Variants in DYNC2LI1 observed in about 807,000 individuals in gnomAD.
DYNC2LI1 encodes cytoplasmic dynein 2 light intermediate chain 1.
Under a neutral mutation model 51.9 loss-of-function variants are expected in DYNC2LI1, and 45 were observed. The ratio of observed to expected loss-of-function variants is 0.87; its 90% CI spans 0.68 to 1.11. The LOEUF is 1.11. Among genes scored for constraint, DYNC2LI1 ranks in the 50% most tolerant of loss-of-function variants. The probability of loss-of-function intolerance (pLI) is 0.00; values close to 1 mark genes in which losing one functional copy is unlikely to be tolerated. For missense variants in DYNC2LI1, 490 were observed against 417.4 expected, an observed-to-expected ratio of 1.17 and a Z score of -1.51; for synonymous variants, 130 against 137.8, an observed-to-expected ratio of 0.94 and a Z score of 0.40.
downstream of DYNC2LI1, among the ~76,000 whole-genome samples, chr2:43,813,875 C>T (rs935444727): frequency 1.3e-4 from 19 of 151,664 alleles, 1 homozygote; most frequent in African/African-American, 2.9e-4. Flanking sequence ...CGCACCACCA[C>T]GCCTGGCTAA....
intron 7 of DYNC2LI1, 87 bp downstream of exon 7, chr2:43,796,045 GA>G (rs1055493283): frequency 4.2e-6 from 4 of 942,170 alleles, no homozygotes; most frequent in African/African-American, 3.4e-5. Flanking sequence ...ATCAAAATAA[GA>G]AAAATAATTA....
At chr2:43,810,536 T>G, downstream of DYNC2LI1, 3 of 983,182 alleles carry the variant, frequency 3.1e-6, no homozygotes, top group Non-Finnish European at 3.6e-6. Flanking sequence ...TAAGTATAAT[T>G]GCTATGATTA....
chr2:43,802,153 T>C (rs1666096838), intron 10 of DYNC2LI1, among the ~76,000 whole-genome samples: 1 of 152,144 alleles, frequency 6.6e-6, no homozygotes, highest in Non-Finnish European at 1.5e-5. Context: ...AGGTATGATT[T>C]GATTTTTTGT....
At chr2:43,782,954 C>T (rs1673360524) in intron 2 of DYNC2LI1, among the ~76,000 whole-genome samples, 1 of 151,948 alleles carries the variant, frequency 6.6e-6, no homozygotes. Flanking sequence ...TGCACTCCAG[C>T]CTTGGCAACA....
At chr2:43,806,108 T>C (rs1666245730) in intron 12 of DYNC2LI1, among the ~76,000 whole-genome samples, 1 of 152,180 alleles carries the variant, frequency 6.6e-6, no homozygotes, top group African/African-American at 2.4e-5. Context: ...GGTCTTGAAC[T>C]CCTGACCTCG....
rs1673949767 is a variant in DYNC2LI1 at position 43,794,609 on chromosome 2, A to G, written c.473A>G (p.Gln158Arg). ...GCTAAAGCAGTTTCTGAAATGAGAC[A>G]GAAGATCTGGAATAATATGCCGAAG... The part of the protein sequence containing the change: ...TNAKAVSEMR[Q>R]KIWNNMPKDH... The change falls in exon 6 of 13, where the codon CAG (glutamine) becomes CGG (arginine). Residue 158 changes from glutamine (Q) to arginine (R), a missense_variant. Gln to Arg is a conservative substitution (Grantham distance 43, BLOSUM62 1). Transcript: ENST00000260605. 6.2e-7 allele frequency: 1 copy of G among 1,614,014 alleles called. No homozygotes were observed. Among genetic ancestry groups the G allele is most frequent in the South Asian group, 1.1e-5 (1 of 91,086 alleles).
chr2:43,789,456 C>G (rs1046856964), intron 4 of DYNC2LI1, among the ~76,000 whole-genome samples, 177 bp from the exon 5 acceptor site: 1 of 151,874 alleles, frequency 6.6e-6, no homozygotes, highest in East Asian at 1.9e-4. Context: ...CATCATTTTT[C>G]TTTAGAGTAG....
Position 43,796,913 on chromosome 2 carries a change from C to T in DYNC2LI1, c.654+118C>T. ...TTTGCTAATGCACATGGTCCCGTTG[C>T]TTTCCCACTGCTGAAGACCTCTCCT... On this transcript the variant is annotated intron_variant, in intron 8 of 12. Coordinates refer to ENST00000260605, the MANE Select transcript of DYNC2LI1 (RefSeq NM_016008.4). 6 of 744,552 alleles carry T rather than the reference C, an allele frequency of 8.1e-6. No homozygotes were observed. In the Middle Eastern group the frequency reaches 7.0e-4, roughly 87 times the overall value. The allele number at this position is 744,552 out of a possible 1,614,324, so 46.1% of individuals were successfully genotyped here. A position where few individuals can be genotyped will look rare whatever the true frequency, so the allele number is the denominator to read the frequency against.
chr2:43,805,463 C>T (rs1666216899), intron 12 of DYNC2LI1: 3 of 280,126 alleles, frequency 1.1e-5, no homozygotes. Flanking sequence ...TTTAAATCAC[C>T]TGTCATCCCA....
intron 11 of DYNC2LI1, 137 bp downstream of exon 11, chr2:43,804,876 T>C (rs1666192493): frequency 1.7e-6 from 1 of 579,208 alleles, no homozygotes; most frequent in South Asian, 3.3e-5. Flanking sequence ...TTGCTGAAAA[T>C]GTAAATAGGC....
At chr2:43,787,767 G>T (rs911637103) in intron 4 of DYNC2LI1, among the ~76,000 whole-genome samples, 12 of 152,232 alleles carry the variant, frequency 7.9e-5, no homozygotes, top group Non-Finnish European at 1.6e-4. Context: ...ATGCTGGCAG[G>T]GGGTGGGGTG....
At chr2:43,800,391 G>C (rs1390249736) in intron 8 of DYNC2LI1, among the ~76,000 whole-genome samples, 1 of 152,168 alleles carries the variant, frequency 6.6e-6, no homozygotes, top group Non-Finnish European at 1.5e-5. Flanking sequence ...TGACTCTTTG[G>C]AAGGCAGCAA....
At chr2:43,826,114 C>T in the DYNC2LI1 span, among the ~76,000 whole-genome samples, 2 of 151,994 alleles carry the variant, frequency 1.3e-5, no homozygotes, top group Non-Finnish European at 2.9e-5. Context: ...TAGCTGGGAC[C>T]ACAGATATGC....
the DYNC2LI1 span, among the ~76,000 whole-genome samples, chr2:43,821,111 G>A: frequency 3.9e-5 from 6 of 152,202 alleles, no homozygotes; most frequent in Admixed American, 2.6e-4. Flanking sequence ...AAAAAATGTT[G>A]GCATGTCTTA....
downstream of DYNC2LI1, among the ~76,000 whole-genome samples, chr2:43,814,767 C>T (rs975138617): frequency 1.5e-4 from 23 of 152,132 alleles, no homozygotes; most frequent in African/African-American, 5.6e-4. Flanking sequence ...TAAAGAAATA[C>T]CGTTGCCTAG....
intron 2 of DYNC2LI1, among the ~76,000 whole-genome samples, chr2:43,780,705 A>T (rs772005141): frequency 6.6e-6 from 1 of 152,052 alleles, no homozygotes; most frequent in Non-Finnish European, 1.5e-5. Context: ...ATTTTAGAGG[A>T]AGGGAAGACA....
chr2:43,824,860 A>G, the DYNC2LI1 span: 4 of 1,612,608 alleles, frequency 2.5e-6, no homozygotes, highest in Non-Finnish European at 2.5e-6. Flanking sequence ...AAAAACATTC[A>G]TGATGGGGAA....
intron 10 of DYNC2LI1, among the ~76,000 whole-genome samples, chr2:43,804,417 A>T (rs796394243): frequency 3.5e-4 from 54 of 152,164 alleles, no homozygotes; most frequent in African/African-American, 1.3e-3. Context: ...GGAGAATGAG[A>T]GTTACAGTTT....
chr2:43,794,777 A>T, intron 6 of DYNC2LI1, 134 bp downstream of exon 6: 1 of 1,517,384 alleles, frequency 6.6e-7, no homozygotes, highest in Non-Finnish European at 8.8e-7. Flanking sequence ...GTTCACTGGA[A>T]AATTACAGCA....
Sources: gnomAD v4.1 joint callset for allele counts (sites outside exome capture counted in the v4.1 genomes callset) on GRCh38, gnomAD v4.1.1 for gene constraint, MANE v1.5 for transcripts, NCBI Gene and HGNC (gene_info 2026-07-23, HGNC 2026-07-21) for gene names.